SYNE1: variants seen among roughly 807,000 people sequenced by gnomAD.
SYNE1 encodes nesprin-1.
Under a neutral mutation model 1,111.0 loss-of-function variants are expected in SYNE1, and 616 were observed. The ratio of observed to expected loss-of-function variants is 0.55; its 90% CI spans 0.52 to 0.59. The LOEUF is 0.59. Ranked by LOEUF, SYNE1 falls within the 20% of genes least tolerant of loss-of-function variation. The pLI is 0.00. For synonymous variants in SYNE1, 3,855 were observed against 3,825.8 expected (o/e 1.01, Z -0.28); for missense variants, 10,006 against 10,417.0 (o/e 0.96, Z 1.72).
intron 8 of SYNE1, among the ~76,000 whole-genome samples, chr6:152,506,093 T>G (rs1024453931): frequency 2.0e-5 from 3 of 152,218 alleles, no homozygotes; most frequent in African/African-American, 7.2e-5. Flanking sequence ...GTGGTAAATC[T>G]TTTTTCTTTG....
At chr6:152,147,686 G>C in intron 137 of SYNE1, 1 of 292,262 alleles carries the variant, frequency 3.4e-6, no homozygotes, top group Non-Finnish European at 6.6e-6. Context: ...CGGCTTTGTC[G>C]CCCCTGCTTG....
chr6:152,148,524 G>C lies in SYNE1; in HGVS notation c.24643-146C>G, dbSNP rs1257971020. On this transcript the variant is annotated intron_variant, in intron 136 of 145. Coordinates refer to ENST00000367255, the MANE Select transcript of SYNE1 (RefSeq NM_182961.4). This position sits in a 1 kb window ranked among gnomAD's most constrained non-coding sequence, Gnocchi z 4.1. ...TCTGATCACAGAAATACAGGGGACA[G>C]TGCTGCTCTAGAGTTTGACTGTCTG... 1 of 735,790 alleles carries C rather than the reference G, an allele frequency of 1.4e-6. No homozygotes were observed. Among genetic ancestry groups the C allele is most frequent in the Non-Finnish European group, 2.3e-6 (1 of 436,434 alleles). The allele number at this position is 735,790 out of a possible 1,614,324, so 45.6% of individuals were successfully genotyped here.
chr6:152,549,249 G>A (rs1451978756), intron 3 of SYNE1, among the ~76,000 whole-genome samples: 5 of 152,080 alleles, frequency 3.3e-5, no homozygotes, highest in African/African-American at 1.2e-4. Context: ...CCTCAATATC[G>A]TATTCCTAAA....
At chr6:152,448,455 T>C (rs1420281234) in intron 28 of SYNE1, among the ~76,000 whole-genome samples, 1 of 152,220 alleles carries the variant, frequency 6.6e-6, no homozygotes, top group Non-Finnish European at 1.5e-5. Flanking sequence ...TTTTGTGCGA[T>C]GCAAGCAACC....
chr6:152,322,471 T>G (rs973559782), intron 82 of SYNE1, among the ~76,000 whole-genome samples: 9 of 152,214 alleles, frequency 5.9e-5, no homozygotes, highest in Non-Finnish European at 1.2e-4. Flanking sequence ...GAATATTTTT[T>G]TCTCTGGCCC....
chr6:152,505,444 C>A lies in SYNE1; in HGVS notation c.582-47G>T, dbSNP rs752885372. 4 of 1,598,842 alleles carry A rather than the reference C, an allele frequency of 2.5e-6. No individual in the cohort carries two copies. The Admixed American group carries it at 5.0e-5, about 20-fold the overall frequency. ...AATGATGTCACATTCTGAATAGATA[C>A]AAGCACTTTCTTCAAGGCCTCATGC... is the stretch of plus-strand genomic sequence containing the variant. On this transcript the variant is annotated intron_variant, in intron 8 of 145. Coordinates refer to ENST00000367255, the MANE Select transcript of SYNE1 (RefSeq NM_182961.4).
chr6:152,139,977 G>C lies in SYNE1; in HGVS notation c.25431C>G (p.Thr8477=). The C allele has an allele frequency of 1.2e-6, 2 of 1,613,966 alleles. No individual in the cohort carries two copies. Among genetic ancestry groups the C allele is most frequent in the Non-Finnish European group, 1.7e-6 (2 of 1,180,040 alleles). ...TGAGCTTTTTGATCTGGAGCTCGAT[G>C]GTCTGGATGTCAGTGCTGAGTTCCA... ...QRLELSTDIQ[T]IELQIKKLKE... Residue 8477 remains threonine, a synonymous_variant, in exon 140 of 146, where the codon ACC becomes ACG. Coordinates refer to ENST00000367255, the MANE Select transcript of SYNE1 (RefSeq NM_182961.4).
intron 100 of SYNE1, among the ~76,000 whole-genome samples, chr6:152,265,165 C>T (rs1228591740): frequency 7.2e-6 from 1 of 138,444 alleles, no homozygotes; most frequent in Non-Finnish European, 1.5e-5. Context: ...GAGATCGCAT[C>T]ACTGCACTCC....
chr6:152,238,035 C>G (rs751465028), intron 108 of SYNE1, among the ~76,000 whole-genome samples: 4 of 152,086 alleles, frequency 2.6e-5, no homozygotes, highest in Non-Finnish European at 5.9e-5. Flanking sequence ...AAAACAGACA[C>G]AAACCCAGGC....
At chr6:152,562,935 G>T (rs568226874) in intron 3 of SYNE1, among the ~76,000 whole-genome samples, 1 of 151,876 alleles carries the variant, frequency 6.6e-6, no homozygotes, top group Admixed American at 6.6e-5. Flanking sequence ...CTAGTTTTAG[G>T]TTCAGATACA....
At chr6:152,316,269 G>C (rs1010136793) in intron 87 of SYNE1, 2 of 160,122 alleles carry the variant, frequency 1.2e-5, no homozygotes, top group Admixed American at 6.0e-5. Flanking sequence ...AGGGCTGAGG[G>C]AGGAGGCGGG....
intron 28 of SYNE1, among the ~76,000 whole-genome samples, chr6:152,448,439 AT>A (rs112863750): frequency 5.3e-5 from 8 of 151,914 alleles, no homozygotes; most frequent in African/African-American, 1.4e-4. Context: ...TAGGATGTGA[AT>A]TTTTTTTTGT....
rs1489130675 is a variant in SYNE1, at chr6:152,488,427, A to G, written c.1016T>C (p.Met339Thr). Reference sequence around the variant, plus strand: ...TTTATCCTGTAAATTTGATTCCACCATCTGTGCTCTTGTCAAATCTCTCTC... The same window carrying G: ...TTTATCCTGTAAATTTGATTCCACCGTCTGTGCTCTTGTCAAATCTCTCTC... ...QFERDLTRAQ[M>T]VESNLQDKYQ... Residue 339 changes from methionine (M) to threonine (T), a missense_variant, in exon 12 of 146, where the codon ATG (methionine) becomes ACG (threonine). By Grantham distance (81) the Met-to-Thr change is moderately conservative (BLOSUM62 -1). Transcript: ENST00000367255. The G allele has an allele frequency of 3.7e-5, 59 of 1,608,340 alleles. No individual in the cohort carries two copies. Among genetic ancestry groups the G allele is most frequent in the Non-Finnish European group, 4.6e-5 (54 of 1,176,158 alleles).
chr6:152,405,004 C>G (rs1484966639), intron 45 of SYNE1: 1 of 152,252 alleles, frequency 6.6e-6, no homozygotes, highest in Non-Finnish European at 1.5e-5. Flanking sequence ...AGCAAACCTC[C>G]TGATGCCTTC....
At chr6:152,501,677 G>C (rs1162420240) in intron 10 of SYNE1, among the ~76,000 whole-genome samples, 1 of 151,836 alleles carries the variant, frequency 6.6e-6, no homozygotes, top group Non-Finnish European at 1.5e-5. Context: ...AGAGGTTGCA[G>C]TGAGCCAAGA....
chr6:152,460,908 G>T (rs970679839), intron 21 of SYNE1, among the ~76,000 whole-genome samples: 1 of 146,810 alleles, frequency 6.8e-6, no homozygotes, highest in African/African-American at 2.5e-5. Context: ...TGCCTCCCGG[G>T]TTCAAGTGAT....
intron 135 of SYNE1, among the ~76,000 whole-genome samples, chr6:152,150,344 G>A (rs1207502612): frequency 6.6e-6 from 1 of 152,212 alleles, no homozygotes; most frequent in Non-Finnish European, 1.5e-5. Flanking sequence ...AAGACTCCCA[G>A]GAGAGAAGAG....
chr6:152,468,596 G>A (rs2098785416), intron 16 of SYNE1, among the ~76,000 whole-genome samples: 1 of 152,134 alleles, frequency 6.6e-6, no homozygotes, highest in Non-Finnish European at 1.5e-5. Flanking sequence ...GCATATCTGA[G>A]TTGGATGTAC....
At chr6:152,302,154 GAGCGCGCAGAGCCGCGC>G in intron 91 of SYNE1, 91 bp from the exon 92 acceptor site, 1 of 1,559,198 alleles carries the variant, frequency 6.4e-7, no homozygotes, top group Non-Finnish European at 8.8e-7. Context: ...GCGAGCCAAT[GAGCGCGCAGAGCCGCGC>G]GGGCCCGGGA....
Sources: allele counts gnomAD v4.1 joint callset (sites outside exome capture counted in the v4.1 genomes callset), GRCh38; gene constraint gnomAD v4.1.1; non-coding constraint Gnocchi (gnomAD v3.1); transcripts MANE v1.5; gene names NCBI Gene and HGNC (gene_info 2026-07-23, HGNC 2026-07-21).